The following DZIP1L variants were observed in gnomAD, a reference collection of about 807,000 sequenced individuals.
DZIP1L encodes the protein DAZ interacting zinc finger protein 1 like, also known as cilium assembly protein DZIP1L.
A neutral mutation model predicts 88.7 loss-of-function variants in DZIP1L; 90 were observed. The ratio of observed to expected loss-of-function variants is 1.02; its 90% CI spans 0.86 to 1.21. DZIP1L has a LOEUF of 1.21. DZIP1L is among the 50% of genes most tolerant of loss of function. The probability of loss-of-function intolerance (pLI) is 0.00; values close to 1 mark genes in which losing one functional copy is unlikely to be tolerated. For missense variants in DZIP1L, 932 were observed against 955.8 expected, an observed-to-expected ratio of 0.98 and a Z score of 0.33; for synonymous variants, 363 against 372.1, an observed-to-expected ratio of 0.98 and a Z score of 0.28.
intron 7 of DZIP1L, among the ~76,000 whole-genome samples, chr3:138,084,729 G>A (rs977202683): frequency 1.3e-5 from 2 of 152,200 alleles, no homozygotes; most frequent in African/African-American, 4.8e-5. Flanking sequence ...AGGTGGGAGT[G>A]AGACTCTACT....
chr3:138,064,484 G>A lies in DZIP1L; in HGVS notation c.2142+144C>T, dbSNP rs769263943. On this transcript the variant is annotated intron_variant, in intron 15 of 15. Transcript: ENST00000327532. Reference sequence around the variant, plus strand: ...TGGCCATCTCTCCATGTGCACAGGGGCAGAGGGAGGTCACCCACAATGTCC... The same window carrying A: ...TGGCCATCTCTCCATGTGCACAGGGACAGAGGGAGGTCACCCACAATGTCC... The A allele has an allele frequency of 2.5e-6, 4 of 1,610,604 alleles. No individual in the cohort carries two copies. In the Admixed American group the frequency reaches 5.0e-5, roughly 20 times the overall value.
intron 2 of DZIP1L, among the ~76,000 whole-genome samples, chr3:138,100,667 G>T (rs1489754989): frequency 2.0e-5 from 3 of 152,180 alleles, no homozygotes; most frequent in Admixed American, 2.0e-4. Context: ...TTGGAGAATT[G>T]GTTGGTGTGA....
At chr3:138,068,393 T>C in intron 12 of DZIP1L, 26 bp from the exon 13 acceptor site, 2 of 1,470,324 alleles carry the variant, frequency 1.4e-6, no homozygotes, top group South Asian at 2.9e-5. Context: ...GGAATGATTT[T>C]TGGAGTACAC....
chr3:138,084,058 A>C (rs972497650), intron 8 of DZIP1L, 55 bp downstream of exon 8: 1 of 1,590,038 alleles, frequency 6.3e-7, no homozygotes, highest in Non-Finnish European at 8.6e-7. Context: ...GGAGATCCTC[A>C]CAGGAAAGAG....
intron 6 of DZIP1L, among the ~76,000 whole-genome samples, chr3:138,088,125 T>C (rs1000942591): frequency 2.0e-5 from 3 of 152,182 alleles, no homozygotes; most frequent in Admixed American, 6.5e-5. Flanking sequence ...AGAATCAGAA[T>C]GGGGCAAAGG....
At chr3:138,098,298 GA>G (rs1944571468) in intron 2 of DZIP1L, among the ~76,000 whole-genome samples, 1 of 152,202 alleles carries the variant, frequency 6.6e-6, no homozygotes, top group South Asian at 2.1e-4. Context: ...TTAGTGTGTA[GA>G]TAAAGGTTCA....
chr3:138,103,673 C>T lies in DZIP1L; in HGVS notation c.299G>A (p.Cys100Tyr). The T allele has an allele frequency of 6.2e-7, 1 of 1,610,392 alleles. No homozygotes were observed. ...AACACTGGCACTCAGGCAATCCTGG[C>T]AGTGCAGCAGGTACTCAATGATGAG... Reference protein sequence around the residue: ...AQLIIEYLLHCQDCLSASVAQ... With the variant: ...AQLIIEYLLHYQDCLSASVAQ... The change falls in exon 2 of 16, where the codon TGC (cysteine) becomes TAC (tyrosine). Residue 100 changes from cysteine to tyrosine, a missense_variant. By Grantham distance (194) the Cys-to-Tyr change is radical. Coordinates refer to ENST00000327532, the MANE Select transcript of DZIP1L (RefSeq NM_173543.3).
intron 1 of DZIP1L, among the ~76,000 whole-genome samples, chr3:138,107,639 G>T (rs755162733): frequency 1.8e-4 from 27 of 152,260 alleles, no homozygotes; most frequent in Middle Eastern, 3.4e-3. Flanking sequence ...GATTCTTGGG[G>T]CTATTCCTCC....
rs749990522 is a variant in DZIP1L, at chr3:138,088,491, T to C, written c.887A>G (p.Gln296Arg). ...CTTGGACTCCATCACACTGTGGGAC[T>C]GCAGTGCCCGCAGTTTCTGAAAAGG... is the stretch of plus-strand genomic sequence containing the variant. Reference protein sequence around the residue: ...STLEEKLRALQSHSVMESKLG... With the variant: ...STLEEKLRALRSHSVMESKLG... The change falls in exon 6 of 16, where the codon CAG becomes CGG. Residue 296 changes from glutamine (Q) to arginine (R), a missense_variant. Transcript: ENST00000327532. 28 of 1,613,444 alleles carry C rather than the reference T, an allele frequency of 1.7e-5. No homozygotes were observed. In the East Asian group the frequency reaches 6.0e-4, roughly 35 times the overall value.
chr3:138,086,694 GCAAAGAAGACCACAGAA>G (rs1943957231), intron 7 of DZIP1L, among the ~76,000 whole-genome samples: 1 of 152,218 alleles, frequency 6.6e-6, no homozygotes, highest in Non-Finnish European at 1.5e-5. Context: ...AGGGGTCACT[GCAAAGAAGACCACAGAA>G]CAAAGGATGT....
At chr3:138,068,435 G>A in intron 12 of DZIP1L, 68 bp from the exon 13 acceptor site, 2 of 1,278,814 alleles carry the variant, frequency 1.6e-6, no homozygotes, top group Non-Finnish European at 2.1e-6. Flanking sequence ...AGAGGAGGGA[G>A]AAAGTGGCTC....
chr3:138,109,925 C>G (rs964691610), intron 1 of DZIP1L, among the ~76,000 whole-genome samples: 1 of 152,142 alleles, frequency 6.6e-6, no homozygotes, highest in African/African-American at 2.4e-5. Flanking sequence ...CACACAGACA[C>G]AGGGAGGGGA....
intron 10 of DZIP1L, chr3:138,080,291 C>T (rs1307498042): frequency 6.5e-6 from 2 of 307,940 alleles, no homozygotes; most frequent in Non-Finnish European, 1.3e-5. Flanking sequence ...TCCAAATCCT[C>T]ACTCAGTTAC....
chr3:138,106,131 T>C (rs867046297), intron 1 of DZIP1L, among the ~76,000 whole-genome samples: 87 of 121,522 alleles, frequency 7.2e-4, no homozygotes, highest in African/African-American at 2.9e-3. Context: ...TTCTTTCTTT[T>C]TTTTTTTTTT....
In DZIP1L at chr3:138,102,345, T is replaced by C; in HGVS notation, c.501+1126A>G. ...ATCTTTCTCGATGAAGGCAAATTTA[T>C]TCTCCATCTTTGTATGCTTATTGAT... On this transcript the variant is annotated intron_variant, in intron 2 of 15. Transcript: ENST00000327532. The C allele has an allele frequency of 2.5e-6, 3 of 1,223,552 alleles. No individual in the cohort carries two copies. The Admixed American group carries it at 5.1e-5, about 21-fold the overall frequency. The allele number at this position is 1,223,552 out of a possible 1,614,324, so 75.8% of individuals were successfully genotyped here.
At chr3:138,082,932 T>G (rs2724694) in intron 8 of DZIP1L, among the ~76,000 whole-genome samples, 125,936 of 151,922 alleles carry the variant, frequency 0.83, 52,507 homozygotes, top group Middle Eastern at 0.9. Context: ...AGTGAAGCGG[T>G]AAACAAAAGT....
intron 15 of DZIP1L, among the ~76,000 whole-genome samples, chr3:138,064,204 TCCAGTACCA>T (rs1227977418): frequency 6.6e-6 from 1 of 152,172 alleles, no homozygotes; most frequent in African/African-American, 2.4e-5. Flanking sequence ...GCGAGGCCAC[TCCAGTACCA>T]CCCTTGGGGG....
At chr3:138,085,556 G>C (rs1157589781) in intron 7 of DZIP1L, among the ~76,000 whole-genome samples, 4 of 152,168 alleles carry the variant, frequency 2.6e-5, no homozygotes, top group Admixed American at 2.6e-4. Context: ...ACCACAATGA[G>C]ATACCATCTC....
chr3:138,098,701 A>G (rs1402887412), intron 2 of DZIP1L, among the ~76,000 whole-genome samples: 1 of 152,190 alleles, frequency 6.6e-6, no homozygotes, highest in Non-Finnish European at 1.5e-5. Flanking sequence ...CTATGTCCCA[A>G]CCTTCCTAGC....
Sources: allele counts gnomAD v4.1 joint callset (sites outside exome capture counted in the v4.1 genomes callset), GRCh38; gene constraint gnomAD v4.1.1; transcripts MANE v1.5; gene names NCBI Gene and HGNC (gene_info 2026-07-23, HGNC 2026-07-21).